Variants in CHL1 observed in about 807,000 individuals in gnomAD.
CHL1 encodes the protein neural cell adhesion molecule L1-like protein.
A neutral mutation model predicts 141.9 loss-of-function variants in CHL1; 96 were observed. The observed-to-expected ratio is 0.68, with a 90% CI of 0.57 to 0.80. The LOEUF is 0.80. CHL1 is among the 30% of genes least tolerant of loss of function. CHL1 has a pLI of 0.00. For missense variants in CHL1, 1,820 were observed against 1,457.2 expected (o/e 1.25, Z -4.05); for synonymous variants, 613 against 502.2 (o/e 1.22, Z -2.95).
chr3:386,251 A>G (rs1285833287), intron 19 of CHL1, among the ~76,000 whole-genome samples: 1 of 151,932 alleles, frequency 6.6e-6, no homozygotes, highest in African/African-American at 2.4e-5. Flanking sequence ...AAGAATTAAC[A>G]ATGAAGATGA....
At chr3:360,212 C>T in intron 11 of CHL1, 72 bp from the exon 12 acceptor site, 10 of 1,527,762 alleles carry the variant, frequency 6.5e-6, no homozygotes, top group African/African-American at 1.4e-5. Context: ...CTGTGTGACA[C>T]ATTTAATAAA....
intron 24 of CHL1, among the ~76,000 whole-genome samples, chr3:397,074 A>G (rs1708737400): frequency 6.6e-6 from 1 of 152,144 alleles, no homozygotes; most frequent in South Asian, 2.1e-4. Context: ...AGTAAATCAT[A>G]TTCCATAATC....
At chr3:208,144 GGAAA>G (rs1699599331) in intron 1 of CHL1, among the ~76,000 whole-genome samples, 1 of 152,154 alleles carries the variant, frequency 6.6e-6, no homozygotes. Flanking sequence ...TGTAAACTGA[GGAAA>G]GAAACATTGA....
chr3:210,729 A>G (rs1699839884), intron 1 of CHL1, among the ~76,000 whole-genome samples: 2 of 152,254 alleles, frequency 1.3e-5, no homozygotes, highest in Admixed American at 1.3e-4. Flanking sequence ...GTGATACACC[A>G]TTCACTCACC....
chr3:218,095 G>T (rs1448694118), intron 1 of CHL1, among the ~76,000 whole-genome samples: 2 of 152,152 alleles, frequency 1.3e-5, no homozygotes, highest in East Asian at 1.9e-4. Context: ...AACAATCAAA[G>T]AATAAGTGGT....
At position 390,959 on chromosome 3, in the gene CHL1, A is replaced by G. The variant is rs544126872; in HGVS notation, c.2591A>G (p.Asn864Ser). ...VHGRLKGYQI[N>S]WWKTKSLLDG... The stretch of plus-strand genomic sequence containing the variant: ...AGATTTTGGTTTTCATTGCAGATAA[A>G]TTGGTGGAAAACAAAAAGTCTGTTG... Residue 864 changes from asparagine to serine, a missense_variant, in exon 22 of 28, where the codon AAT (asparagine) becomes AGT (serine). Transcript: ENST00000256509. The G allele has an allele frequency of 4.6e-5, 74 of 1,613,470 alleles. No individual in the cohort carries two copies. In the African/African-American group the frequency reaches 8.1e-4, roughly 18 times the overall value.
Position 244,648 on chromosome 3 carries a change from A to G in CHL1, c.-139A>G, listed in dbSNP as rs1209592633. The G allele has an allele frequency of 6.6e-6, 1 of 152,234 alleles. No individual in the cohort carries two copies. Among genetic ancestry groups the G allele is most frequent in the East Asian group, 1.9e-4 (1 of 5,206 alleles). The allele number at this position is 152,234 out of a possible 1,614,324, so 9.4% of individuals were successfully genotyped here. A position where few individuals can be genotyped will look rare whatever the true frequency, so the allele number is the denominator to read the frequency against. On this transcript the variant is annotated 5_prime_UTR_variant, in exon 2 of 28. The change creates a new upstream start codon in the 5' untranslated region. Coordinates refer to ENST00000256509, the MANE Select transcript of CHL1 (RefSeq NM_006614.4). ...CTGCAAACCATAATCCTGTCTTAAT[A>G]CTGCAAACAAATCATAGTGGAACTA...
intron 2 of CHL1, among the ~76,000 whole-genome samples, chr3:252,371 T>TATAG (rs1553596138): frequency 8.5e-6 from 1 of 117,952 alleles, no homozygotes; most frequent in Non-Finnish European, 1.9e-5. Flanking sequence ...GATATATATA[T>TATAG]ATATATATAT....
chr3:358,362 A>G (rs1333753275), intron 11 of CHL1, among the ~76,000 whole-genome samples: 2 of 152,120 alleles, frequency 1.3e-5, no homozygotes, highest in African/African-American at 2.4e-5. Context: ...TCTGATTTTC[A>G]GGAGCTTTGT....
chr3:233,250 A>G (rs1267806292), intron 1 of CHL1, among the ~76,000 whole-genome samples: 1 of 151,996 alleles, frequency 6.6e-6, no homozygotes, highest in Non-Finnish European at 1.5e-5. Flanking sequence ...TCTTTTTATT[A>G]TCTATTGCTT....
Position 347,768 on chromosome 3 carries a change from A to AAGCC in CHL1, c.849-1587_849-1584dup, listed in dbSNP as rs1458287083. Among the ~76,000 whole-genome samples, 11 of 152,298 alleles carry AAGCC rather than the reference A, an allele frequency of 7.2e-5. No homozygotes were observed. The South Asian group carries it at 2.3e-3, about 32-fold the overall frequency. On this transcript the variant is annotated intron_variant, in intron 9 of 27. Coordinates refer to ENST00000256509, the MANE Select transcript of CHL1 (RefSeq NM_006614.4). ...CATCCTCTTAGGTGGTGTGCTCAGA[A>AAGCC]AGCCAGCAGCTAATATGCTCTCACA...
intron 1 of CHL1, among the ~76,000 whole-genome samples, chr3:232,487 A>G (rs1263473942): frequency 6.6e-6 from 1 of 152,152 alleles, no homozygotes; most frequent in African/African-American, 2.4e-5. Context: ...ACGTTTTACT[A>G]TGCCCCTTTG....
intron 5 of CHL1, among the ~76,000 whole-genome samples, chr3:336,706 A>G (rs1370220141): frequency 6.6e-6 from 1 of 152,248 alleles, no homozygotes; most frequent in East Asian, 1.9e-4. Context: ...ATAGATATAA[A>G]TTCTGTTTTC....
intron 2 of CHL1, among the ~76,000 whole-genome samples, chr3:295,604 C>T (rs1172588763): frequency 6.6e-6 from 1 of 151,912 alleles, no homozygotes; most frequent in East Asian, 1.9e-4. Context: ...TGTCAGAGTT[C>T]TCAAATAAAA....
At chr3:233,651 T>G (rs1300891625) in intron 1 of CHL1, among the ~76,000 whole-genome samples, 1 of 152,162 alleles carries the variant, frequency 6.6e-6, no homozygotes, top group African/African-American at 2.4e-5. Flanking sequence ...GTATTTTTCA[T>G]AAGAGCAAAA....
chr3:303,847 T>TAAA (rs777581583), intron 2 of CHL1, among the ~76,000 whole-genome samples: 1 of 152,190 alleles, frequency 6.6e-6, no homozygotes, highest in Non-Finnish European at 1.5e-5. Context: ...TTCAGTATGA[T>TAAA]ATTGGTTGTG....
chr3:389,581 A>T, intron 20 of CHL1, 107 bp downstream of exon 20: 1 of 817,900 alleles, frequency 1.2e-6, no homozygotes, highest in Non-Finnish European at 2.0e-6. Context: ...TGCAAAGAGG[A>T]TGTACTAGCC....
At chr3:389,168 C>T in intron 19 of CHL1, 84 bp from the exon 20 acceptor site, 1 of 1,023,648 alleles carries the variant, frequency 9.8e-7, no homozygotes, top group Non-Finnish European at 1.5e-6. Flanking sequence ...TACATTGTTC[C>T]TTATTCCACT....
chr3:259,668 C>G (rs1559349162), intron 2 of CHL1, among the ~76,000 whole-genome samples: 1 of 151,940 alleles, frequency 6.6e-6, no homozygotes, highest in Admixed American at 6.6e-5. Flanking sequence ...CATTTTATAT[C>G]TTTTTATTTA....
Sources: allele counts gnomAD v4.1 joint callset (sites outside exome capture counted in the v4.1 genomes callset), GRCh38; gene constraint gnomAD v4.1.1; transcripts MANE v1.5; gene names NCBI Gene and HGNC (gene_info 2026-07-23, HGNC 2026-07-21).